Variants in CACNB2 observed in about 807,000 individuals in gnomAD.
CACNB2 encodes the protein calcium voltage-gated channel auxiliary subunit beta 2.
Under a neutral mutation model 73.3 loss-of-function variants are expected in CACNB2, and 42 were observed. The observed-to-expected ratio is 0.57, with a 90% CI of 0.45 to 0.74. The LOEUF (loss-of-function observed/expected upper bound fraction) is 0.74, where lower values mean the gene tolerates loss of function less well. Among genes scored for constraint, CACNB2 ranks in the 30% least tolerant of loss-of-function variants. CACNB2 has a pLI of 0.00. For synonymous variants in CACNB2, 348 were observed against 310.3 expected, an observed-to-expected ratio of 1.12 and a Z score of -1.28; for missense variants, 940 against 853.0, an observed-to-expected ratio of 1.10 and a Z score of -1.27.
At chr10:18,145,681 C>A (rs1472556514) in intron 1 of CACNB2, among the ~76,000 whole-genome samples, 1 of 152,170 alleles carries the variant, frequency 6.6e-6, no homozygotes, top group Non-Finnish European at 1.5e-5. Flanking sequence ...TGATACTCTA[C>A]AATTTTGTGG....
At chr10:18,376,379 G>C (rs1462972248) in intron 2 of CACNB2, among the ~76,000 whole-genome samples, 1 of 152,118 alleles carries the variant, frequency 6.6e-6, no homozygotes, top group Non-Finnish European at 1.5e-5. Flanking sequence ...GGCATTGGGG[G>C]ACAAGGGGAT....
At chr10:18,450,239 T>G (rs1409332379) in intron 3 of CACNB2, among the ~76,000 whole-genome samples, 1 of 152,258 alleles carries the variant, frequency 6.6e-6, no homozygotes, top group African/African-American at 2.4e-5. Context: ...GCATGTTTAC[T>G]AAATCACAGG....
chr10:18,386,560 G>A (rs2043243899), intron 2 of CACNB2, among the ~76,000 whole-genome samples: 1 of 151,754 alleles, frequency 6.6e-6, no homozygotes. Context: ...CCGCCACCAT[G>A]CCCTGCTAAT....
chr10:18,510,275 G>A (rs1254057993), intron 6 of CACNB2, among the ~76,000 whole-genome samples: 5 of 152,110 alleles, frequency 3.3e-5, no homozygotes, highest in African/African-American at 9.7e-5. Flanking sequence ...CCTGGGCAAC[G>A]TTGCAGCCAA....
intron 9 of CACNB2, among the ~76,000 whole-genome samples, chr10:18,525,490 C>G (rs2052380266): frequency 6.6e-6 from 1 of 152,076 alleles, no homozygotes; most frequent in Non-Finnish European, 1.5e-5. Context: ...TCCATTGTTG[C>G]TTTGAGAAGT....
At chr10:18,417,294 T>C (rs933871428) in intron 3 of CACNB2, among the ~76,000 whole-genome samples, 8 of 151,530 alleles carry the variant, frequency 5.3e-5, no homozygotes, top group East Asian at 3.9e-4. Flanking sequence ...CATTACACCA[T>C]TGATGTGAAA....
chr10:18,169,202 A>AC (rs2033069014), intron 2 of CACNB2, among the ~76,000 whole-genome samples: 1 of 152,032 alleles, frequency 6.6e-6, no homozygotes. Flanking sequence ...TATTTTTAAA[A>AC]AAAATAAGTT....
chr10:18,376,944 C>T (rs1011192142), intron 2 of CACNB2, among the ~76,000 whole-genome samples: 6 of 151,986 alleles, frequency 3.9e-5, no homozygotes, highest in Non-Finnish European at 5.9e-5. Flanking sequence ...TCCAAGATGG[C>T]GATGTTCCTG....
chr10:18,441,079 G>A (rs747362340), intron 3 of CACNB2, among the ~76,000 whole-genome samples: 31 of 152,202 alleles, frequency 2.0e-4, no homozygotes, highest in Non-Finnish European at 3.7e-4. Flanking sequence ...AGTAGTTGAG[G>A]GGTGTTGTTG....
chr10:18,486,558 G>A (rs951335938), intron 3 of CACNB2, among the ~76,000 whole-genome samples: 1 of 152,202 alleles, frequency 6.6e-6, no homozygotes, highest in Non-Finnish European at 1.5e-5. Flanking sequence ...TCCTTTGGAT[G>A]TGAGAAAAAG....
At chr10:18,318,563 A>G (rs1429216778) in intron 2 of CACNB2, among the ~76,000 whole-genome samples, 1 of 152,192 alleles carries the variant, frequency 6.6e-6, no homozygotes, top group Non-Finnish European at 1.5e-5. Flanking sequence ...TTATGATGAA[A>G]ACACCAAAAG....
chr10:18,320,974 T>C (rs975292643), intron 2 of CACNB2, among the ~76,000 whole-genome samples: 1 of 152,226 alleles, frequency 6.6e-6, no homozygotes, highest in African/African-American at 2.4e-5. Context: ...GATGATAACA[T>C]GCAAGGGGAC....
At chr10:18,224,087 A>G (rs939106175) in intron 2 of CACNB2, among the ~76,000 whole-genome samples, 21 of 152,016 alleles carry the variant, frequency 1.4e-4, no homozygotes, top group African/African-American at 5.1e-4. Context: ...GGCCCTAGAG[A>G]TGAGTAATAA....
intron 3 of CACNB2, among the ~76,000 whole-genome samples, chr10:18,486,744 C>T (rs1293537515): frequency 6.6e-6 from 1 of 152,094 alleles, no homozygotes; most frequent in Admixed American, 6.5e-5. Context: ...TGAGTCAGGG[C>T]AGAAGCATGG....
chr10:18,412,063 C>G (rs2044660814), intron 3 of CACNB2, among the ~76,000 whole-genome samples: 1 of 152,186 alleles, frequency 6.6e-6, no homozygotes, highest in Admixed American at 6.5e-5. Context: ...TGATAGCTGT[C>G]AGCATGTGTG....
chr10:18,165,431 G>C (rs1050596527), intron 2 of CACNB2, among the ~76,000 whole-genome samples: 6 of 152,208 alleles, frequency 3.9e-5, no homozygotes, highest in African/African-American at 1.4e-4. Context: ...CACAGGTTGA[G>C]GTGCAAAGGC....
At chr10:18,220,186 C>CAT (rs1488196928) in intron 2 of CACNB2, among the ~76,000 whole-genome samples, 3 of 14,012 alleles carry the variant, frequency 2.1e-4, no homozygotes, top group Non-Finnish European at 1.1e-4. Flanking sequence ...CATATATATA[C>CAT]ATATATATGT....
intron 4 of CACNB2, among the ~76,000 whole-genome samples, chr10:18,499,210 A>T (rs950841592): frequency 6.6e-6 from 1 of 152,216 alleles, no homozygotes; most frequent in Admixed American, 6.5e-5. Flanking sequence ...GAAGGAATTT[A>T]TACTTGGAGC....
At chr10:18,325,917 G>T (rs2040572456) in intron 2 of CACNB2, among the ~76,000 whole-genome samples, 1 of 151,682 alleles carries the variant, frequency 6.6e-6, no homozygotes. Context: ...GCTCATTTTT[G>T]TACTTTTTGT....
Sources: allele counts gnomAD v4.1 joint callset (sites outside exome capture counted in the v4.1 genomes callset), GRCh38; gene constraint gnomAD v4.1.1; transcripts MANE v1.5; gene names NCBI Gene and HGNC (gene_info 2026-07-23, HGNC 2026-07-21).